Variants in RUNDC3B observed in about 807,000 individuals in gnomAD.
The protein encoded by RUNDC3B is RUN domain-containing protein 3B.
Under a neutral mutation model 58.4 loss-of-function variants are expected in RUNDC3B, and 33 were observed. That is an observed-to-expected ratio of 0.56 (90% confidence interval 0.43 to 0.75). The LOEUF (loss-of-function observed/expected upper bound fraction) is 0.75. Ranked by LOEUF, RUNDC3B falls within the 30% of genes least tolerant of loss-of-function variation. RUNDC3B has a pLI of 0.00. For missense variants in RUNDC3B, 501 were observed against 535.7 expected, an observed-to-expected ratio of 0.94 and a Z score of 0.64; for synonymous variants, 193 against 195.2, an observed-to-expected ratio of 0.99 and a Z score of 0.10.
At chr7:87,699,150 GA>G (rs1181291467) in intron 2 of RUNDC3B, among the ~76,000 whole-genome samples, 1 of 152,088 alleles carries the variant, frequency 6.6e-6, no homozygotes, top group Admixed American at 6.5e-5. Context: ...TTGCTGACAA[GA>G]ACACTTCTTG....
intron 2 of RUNDC3B, among the ~76,000 whole-genome samples, chr7:87,678,179 TGA>T (rs1285101489): frequency 6.6e-6 from 1 of 152,188 alleles, no homozygotes; most frequent in Non-Finnish European, 1.5e-5. Context: ...TCTTTCAATA[TGA>T]CTACTCAAGC....
At chr7:87,827,682 A>T (rs1459474146) in intron 10 of RUNDC3B, among the ~76,000 whole-genome samples, 1 of 152,224 alleles carries the variant, frequency 6.6e-6, no homozygotes, top group Non-Finnish European at 1.5e-5. Flanking sequence ...ATCCAGTGAC[A>T]GTTGAAGACA....
intron 1 of RUNDC3B, among the ~76,000 whole-genome samples, chr7:87,637,728 C>T (rs1345225223): frequency 2.0e-5 from 3 of 151,912 alleles, no homozygotes; most frequent in South Asian, 2.1e-4. Flanking sequence ...GTTGGTATAT[C>T]GATATAAATT....
intron 2 of RUNDC3B, among the ~76,000 whole-genome samples, chr7:87,682,768 T>C (rs1390715347): frequency 6.6e-6 from 1 of 152,196 alleles, no homozygotes; most frequent in Non-Finnish European, 1.5e-5. Flanking sequence ...TACCCTAGGA[T>C]TTTTTGGAAT....
At chr7:87,690,775 A>C (rs1827940381) in intron 2 of RUNDC3B, among the ~76,000 whole-genome samples, 1 of 152,172 alleles carries the variant, frequency 6.6e-6, no homozygotes, top group South Asian at 2.1e-4. Context: ...CTTGTGAAAA[A>C]TCTGAATTAT....
chr7:87,725,222 T>C (rs751734030), intron 4 of RUNDC3B, among the ~76,000 whole-genome samples: 3 of 152,184 alleles, frequency 2.0e-5, no homozygotes, highest in Non-Finnish European at 4.4e-5. Context: ...GTATATCTCC[T>C]AATGCTTTCC....
At chr7:87,807,958 T>G (rs1836525021) in intron 9 of RUNDC3B, among the ~76,000 whole-genome samples, 1 of 152,154 alleles carries the variant, frequency 6.6e-6, no homozygotes, top group Non-Finnish European at 1.5e-5. Context: ...ACTTCACCTA[T>G]GGGCCACAAG....
At chr7:87,666,383 A>T (rs1825254266) in intron 2 of RUNDC3B, among the ~76,000 whole-genome samples, 2 of 152,048 alleles carry the variant, frequency 1.3e-5, no homozygotes, top group African/African-American at 4.8e-5. Flanking sequence ...TAGATGCTGG[A>T]TATTAGACCA....
intron 4 of RUNDC3B, among the ~76,000 whole-genome samples, chr7:87,727,565 G>A (rs1394351159): frequency 6.6e-6 from 1 of 151,172 alleles, no homozygotes; most frequent in African/African-American, 2.5e-5. Flanking sequence ...ATACCTGATT[G>A]CATGCATCTG....
chr7:87,658,415 A>C (rs754888285), intron 2 of RUNDC3B, among the ~76,000 whole-genome samples: 16 of 152,188 alleles, frequency 1.1e-4, no homozygotes, highest in Non-Finnish European at 1.9e-4. Flanking sequence ...GACAATAACA[A>C]AAGATGACAC....
At chr7:87,688,267 G>A (rs1328382063) in intron 2 of RUNDC3B, among the ~76,000 whole-genome samples, 1 of 151,936 alleles carries the variant, frequency 6.6e-6, no homozygotes, top group Non-Finnish European at 1.5e-5. Context: ...AATTGCATAT[G>A]GAATAAAATG....
intron 3 of RUNDC3B, chr7:87,709,200 G>A: frequency 1.0e-6 from 1 of 974,280 alleles, no homozygotes; most frequent in Non-Finnish European, 1.2e-6. Context: ...TAATAAATCA[G>A]GAAGCAAGAT....
intron 2 of RUNDC3B, 95 bp downstream of exon 2, chr7:87,651,032 C>A (rs1823519697): frequency 1.4e-6 from 1 of 690,966 alleles, no homozygotes; most frequent in Non-Finnish European, 2.5e-6. Flanking sequence ...ACTTAGATAG[C>A]CAACATTCTA....
chr7:87,726,926 CA>C (rs1381334645), intron 4 of RUNDC3B, among the ~76,000 whole-genome samples: 1 of 152,028 alleles, frequency 6.6e-6, no homozygotes, highest in Non-Finnish European at 1.5e-5. Context: ...GTGATTTTTG[CA>C]CATTGATTTT....
At chr7:87,683,957 C>G (rs1827191895) in intron 2 of RUNDC3B, among the ~76,000 whole-genome samples, 1 of 152,152 alleles carries the variant, frequency 6.6e-6, no homozygotes, top group African/African-American at 2.4e-5. Flanking sequence ...TAAATATTGA[C>G]AGATCAAACT....
chr7:87,817,489 A>G (rs567993759), intron 10 of RUNDC3B, among the ~76,000 whole-genome samples: 2 of 152,176 alleles, frequency 1.3e-5, no homozygotes, highest in East Asian at 3.9e-4. Context: ...ATTTCATACC[A>G]TTCTTTTCCT....
chr7:87,661,796 GTTTAAT>G (rs1447995671), intron 2 of RUNDC3B, among the ~76,000 whole-genome samples: 2 of 151,872 alleles, frequency 1.3e-5, no homozygotes, highest in Non-Finnish European at 2.9e-5. Context: ...TCATATGGTA[GTTTAAT>G]TTTAAGTTTT....
chr7:87,681,521 T>TTA (rs1246954482), intron 2 of RUNDC3B, among the ~76,000 whole-genome samples: 1 of 150,846 alleles, frequency 6.6e-6, no homozygotes. Context: ...TGTAATCTAT[T>TTA]AAGTGTGTAA....
chr7:87,744,793 A>G (rs1832546523), intron 6 of RUNDC3B, among the ~76,000 whole-genome samples: 1 of 152,100 alleles, frequency 6.6e-6, no homozygotes, highest in South Asian at 2.1e-4. Context: ...CTCTTTACCG[A>G]TGTGGATGCT....
Sources: gnomAD v4.1 joint callset for allele counts (sites outside exome capture counted in the v4.1 genomes callset) on GRCh38, gnomAD v4.1.1 for gene constraint, MANE v1.5 for transcripts, NCBI Gene and HGNC (gene_info 2026-07-23, HGNC 2026-07-21) for gene names.